COMMD1: variants seen among roughly 807,000 people sequenced by gnomAD.
COMMD1 encodes the protein copper metabolism domain containing 1.
A neutral mutation model predicts 17.2 loss-of-function variants in COMMD1; 10 were observed. The ratio of observed to expected loss-of-function variants is 0.58; its 90% confidence interval spans 0.36 to 0.99. The LOEUF (loss-of-function observed/expected upper bound fraction) is 0.99, where lower values mean the gene tolerates loss of function less well. Ranked by LOEUF, COMMD1 falls within the 50% of genes least tolerant of loss-of-function variation. COMMD1 has a pLI of 0.01. For synonymous variants in COMMD1, 97 were observed against 91.6 expected (o/e 1.06, Z -0.34); for missense variants, 270 against 231.8 (o/e 1.17, Z -1.07).
intron 1 of COMMD1, among the ~76,000 whole-genome samples, chr2:61,987,212 C>T (rs957556589): frequency 6.6e-6 from 1 of 152,120 alleles, no homozygotes; most frequent in African/African-American, 2.4e-5. Context: ...ATTTTGGGAG[C>T]TCACGTTTTC....
At chr2:61,892,100 G>A (rs979651823) in intron 1 of COMMD1, among the ~76,000 whole-genome samples, 8 of 151,912 alleles carry the variant, frequency 5.3e-5, no homozygotes, top group Admixed American at 4.6e-4. Context: ...CAAAGTGCTG[G>A]GATAAAAGGC....
chr2:62,022,552 G>C (rs1469712331), intron 2 of COMMD1, among the ~76,000 whole-genome samples: 2 of 147,998 alleles, frequency 1.4e-5, no homozygotes, highest in Admixed American at 1.3e-4. Flanking sequence ...ACAATGTTTG[G>C]ATGTTGTCTT....
intron 1 of COMMD1, among the ~76,000 whole-genome samples, chr2:61,936,060 C>T (rs910885580): frequency 3.9e-5 from 6 of 152,136 alleles, no homozygotes; most frequent in African/African-American, 4.8e-5. Flanking sequence ...TAGGGGGATT[C>T]GCCGGCCTTG....
chr2:61,977,658 A>G (rs1671840971), intron 1 of COMMD1, among the ~76,000 whole-genome samples: 2 of 152,010 alleles, frequency 1.3e-5, no homozygotes, highest in Admixed American at 1.3e-4. Flanking sequence ...TATTACTACT[A>G]GGTAAAAATA....
At chr2:62,122,082 G>A (rs914621162) in intron 2 of COMMD1, among the ~76,000 whole-genome samples, 4 of 152,128 alleles carry the variant, frequency 2.6e-5, no homozygotes, top group African/African-American at 4.8e-5. Flanking sequence ...GTGAGCCACC[G>A]CACCTGGCCA....
intron 1 of COMMD1, among the ~76,000 whole-genome samples, chr2:61,947,001 T>G (rs1670924101): frequency 6.6e-6 from 1 of 152,214 alleles, no homozygotes; most frequent in African/African-American, 2.4e-5. Flanking sequence ...CAGGGAAATC[T>G]AGGAAGTAGA....
rs562890599 is a variant in COMMD1, at chr2:61,982,183, G to A, written c.181-18518G>A. Among the ~76,000 whole-genome samples the A allele has an allele frequency of 4.6e-5, 7 of 152,172 alleles. No homozygotes were observed. The South Asian group carries it at 1.2e-3, about 27-fold the overall frequency. ...TTTCTTTCACTATTGTTTTAAAATA[G>A]TTTTCATTATAGAGCGCTTTCACTT... On this transcript the variant is annotated intron_variant, in intron 1 of 2. Transcript: ENST00000311832.
chr2:62,074,882 G>GT (rs1218812166), intron 2 of COMMD1, among the ~76,000 whole-genome samples: 2 of 140,564 alleles, frequency 1.4e-5, no homozygotes, highest in African/African-American at 5.4e-5. Context: ...TTGTTTGTGT[G>GT]GTTTTTTTTT....
intron 1 of COMMD1, among the ~76,000 whole-genome samples, chr2:61,995,732 T>C (rs191553957): frequency 4.3e-4 from 65 of 152,340 alleles, no homozygotes; most frequent in African/African-American, 1.5e-3. Context: ...ACTTATCTCA[T>C]GGTGCTTTCA....
At chr2:61,940,831 C>T (rs13418080) in intron 1 of COMMD1, among the ~76,000 whole-genome samples, 24 of 151,366 alleles carry the variant, frequency 1.6e-4, no homozygotes, top group Non-Finnish European at 2.5e-4. Flanking sequence ...GGACTACAGG[C>T]GCCTGCCACC....
chr2:61,920,801 T>G (rs1030783361), intron 1 of COMMD1, among the ~76,000 whole-genome samples: 1 of 151,874 alleles, frequency 6.6e-6, no homozygotes, highest in Non-Finnish European at 1.5e-5. Flanking sequence ...AAATCTGTTT[T>G]GATTTTCCAG....
intron 2 of COMMD1, among the ~76,000 whole-genome samples, chr2:62,095,441 C>T (rs377059712): frequency 2.6e-5 from 4 of 151,994 alleles, no homozygotes; most frequent in Non-Finnish European, 2.9e-5. Context: ...GAGAGCATCC[C>T]GTACTTATTG....
chr2:62,080,077 A>T (rs1440973388), intron 2 of COMMD1, among the ~76,000 whole-genome samples: 4 of 152,290 alleles, frequency 2.6e-5, no homozygotes, highest in Non-Finnish European at 5.9e-5. Context: ...ATTCTGTGTG[A>T]CTTGCTCTTG....
At chr2:62,135,602 C>T (rs1472945899) in intron 2 of COMMD1, among the ~76,000 whole-genome samples, 1 of 152,082 alleles carries the variant, frequency 6.6e-6, no homozygotes, top group East Asian at 1.9e-4. Flanking sequence ...CTGCCCGCCT[C>T]GGCCTCCCAA....
chr2:62,087,566 C>T lies in COMMD1; in HGVS notation c.463-48265C>T, dbSNP rs1228148122. ...TTTGAGACCAGCCTGGCCAACATGA[C>T]GAAACCCCGTCTCTACTAAAAGTAC... On this transcript the variant is annotated intron_variant, in intron 2 of 2. Coordinates refer to ENST00000311832, the MANE Select transcript of COMMD1 (RefSeq NM_152516.4). Among the ~76,000 whole-genome samples the T allele has an allele frequency of 5.3e-5, 8 of 152,172 alleles. No homozygotes were observed. The South Asian group carries it at 1.0e-3, about 20-fold the overall frequency.
At position 62,016,322 on chromosome 2, in the gene COMMD1, C is replaced by T. The variant is rs1411705175; in HGVS notation, c.462+15340C>T. On this transcript the variant is annotated intron_variant, in intron 2 of 2. Transcript: ENST00000311832. The stretch of plus-strand genomic sequence containing the variant: ...CTCCCAAGCTCCAGTGTTCCTCCCA[C>T]CTCAGCCACCTGAGTAGCTGGGACT... Among the ~76,000 whole-genome samples, 3 of 150,984 alleles carry T rather than the reference C, an allele frequency of 2.0e-5. No individual in the cohort carries two copies. The East Asian group carries it at 5.8e-4, about 29-fold the overall frequency.
intron 1 of COMMD1, among the ~76,000 whole-genome samples, chr2:61,988,481 G>T (rs1455967804): frequency 6.6e-6 from 1 of 152,164 alleles, no homozygotes; most frequent in African/African-American, 2.4e-5. Flanking sequence ...TGGAATGGGG[G>T]CCTCATGACT....
At chr2:61,907,316 A>G (rs1413536866) in intron 1 of COMMD1, among the ~76,000 whole-genome samples, 1 of 152,186 alleles carries the variant, frequency 6.6e-6, no homozygotes, top group Non-Finnish European at 1.5e-5. Context: ...TATGTTGGCC[A>G]GGATGGTTTT....
At chr2:62,128,468 TCA>T (rs1417427526) in intron 2 of COMMD1, among the ~76,000 whole-genome samples, 2 of 151,568 alleles carry the variant, frequency 1.3e-5, no homozygotes, top group Non-Finnish European at 2.9e-5. Flanking sequence ...CATGACGAAA[TCA>T]CCAAAAGCAA....
Sources: allele counts gnomAD v4.1 joint callset (sites outside exome capture counted in the v4.1 genomes callset), GRCh38; gene constraint gnomAD v4.1.1; transcripts MANE v1.5; gene names NCBI Gene and HGNC (gene_info 2026-07-23, HGNC 2026-07-21).